Variants in FHIP1A observed in about 807,000 individuals in gnomAD.
The protein encoded by FHIP1A is FHF complex subunit HOOK interacting protein 1A.
In FHIP1A, 61 loss-of-function variants were observed where a neutral mutation model predicts 88.6. The observed-to-expected ratio is 0.69, with a 90% confidence interval of 0.56 to 0.85. The LOEUF is 0.85. Among genes scored for constraint, FHIP1A ranks in the 40% least tolerant of loss-of-function variants. The pLI is 0.00. For missense variants in FHIP1A, 1,154 were observed against 1,273.5 expected (o/e 0.91, Z 1.43); for synonymous variants, 478 against 496.0 (o/e 0.96, Z 0.48).
intron 3 of FHIP1A, among the ~76,000 whole-genome samples, chr4:151,489,287 G>A (rs1257740038): frequency 6.6e-6 from 1 of 152,204 alleles, no homozygotes; most frequent in African/African-American, 2.4e-5. Flanking sequence ...AGGCACTCCA[G>A]GTCCCCAGCT....
chr4:151,546,452 C>T (rs1578735828), intron 3 of FHIP1A, among the ~76,000 whole-genome samples: 1 of 152,344 alleles, frequency 6.6e-6, no homozygotes, highest in African/African-American at 2.4e-5. Context: ...CTGGTAAATA[C>T]TCTCTCGTCT....
At chr4:151,470,580 A>G (rs1048574655) in intron 2 of FHIP1A, among the ~76,000 whole-genome samples, 2 of 152,166 alleles carry the variant, frequency 1.3e-5, no homozygotes, top group Non-Finnish European at 2.9e-5. Context: ...ACTCTGAACA[A>G]ATGACTTCAT....
chr4:151,471,169 A>C lies in FHIP1A; in HGVS notation c.-247-11355A>C, dbSNP rs150418940. ...CTCCAACCTGTGTGGTGGTCTTTAC[A>C]TTTCTTGGAAACATAATAGATTCAA... On this transcript the variant is annotated intron_variant, in intron 2 of 13. Transcript: ENST00000435205. Among the ~76,000 whole-genome samples the C allele has an allele frequency of 2.6e-3, 388 of 152,114 alleles. 2 individuals are homozygous for C. The highest frequency in any genetic ancestry group is 4.1e-3 in the Non-Finnish European group (276 of 67,978).
At chr4:151,531,184 T>C (rs1252242256) in intron 3 of FHIP1A, among the ~76,000 whole-genome samples, 1 of 151,916 alleles carries the variant, frequency 6.6e-6, no homozygotes, top group Admixed American at 6.6e-5. Context: ...CCCTTTCAAA[T>C]AGGGTGAAGT....
At chr4:151,465,086 T>G (rs2126606266) in intron 2 of FHIP1A, among the ~76,000 whole-genome samples, 2 of 152,222 alleles carry the variant, frequency 1.3e-5, no homozygotes, top group East Asian at 3.9e-4. Flanking sequence ...TGCACACCTG[T>G]AGTCTCAGCT....
intron 1 of FHIP1A, among the ~76,000 whole-genome samples, chr4:151,442,656 C>A (rs1275413609): frequency 6.6e-6 from 1 of 152,110 alleles, no homozygotes; most frequent in African/African-American, 2.4e-5. Flanking sequence ...GGAGTCATTC[C>A]TGCTGGATGA....
chr4:151,498,791 G>A (rs1413211191), intron 3 of FHIP1A, among the ~76,000 whole-genome samples: 1 of 152,176 alleles, frequency 6.6e-6, no homozygotes, highest in Non-Finnish European at 1.5e-5. Context: ...CCTCCAGCCT[G>A]GGCGACAGAG....
chr4:151,464,870 T>C (rs1729255866), intron 2 of FHIP1A, among the ~76,000 whole-genome samples: 1 of 150,574 alleles, frequency 6.6e-6, no homozygotes, highest in Admixed American at 6.6e-5. Context: ...CAAAGTGTGG[T>C]CCCCTGACTA....
chr4:151,526,172 C>T (rs1035984190), intron 3 of FHIP1A, among the ~76,000 whole-genome samples: 6 of 152,220 alleles, frequency 3.9e-5, no homozygotes, highest in Admixed American at 6.5e-5. Context: ...CACACAGACA[C>T]GGCAACCATC....
intron 2 of FHIP1A, among the ~76,000 whole-genome samples, chr4:151,473,314 CT>C (rs936575108): frequency 1.3e-5 from 2 of 151,918 alleles, no homozygotes; most frequent in African/African-American, 2.4e-5. Context: ...CAATGCTTAT[CT>C]TTTTTTTAAA....
intron 10 of FHIP1A, among the ~76,000 whole-genome samples, chr4:151,648,165 ATCTTGGTTCTATG>A (rs1465195619): frequency 2.0e-5 from 3 of 152,194 alleles, no homozygotes; most frequent in Admixed American, 6.5e-5. Flanking sequence ...TAGGTTCTGC[ATCTTGGTTCTATG>A]TCTTGGTTCT....
intron 1 of FHIP1A, among the ~76,000 whole-genome samples, chr4:151,433,525 G>T (rs1266186600): frequency 6.6e-6 from 1 of 152,022 alleles, no homozygotes; most frequent in Non-Finnish European, 1.5e-5. Context: ...GAAACTTGCG[G>T]AGTTAATGGC....
chr4:151,534,448 T>C lies in FHIP1A; in HGVS notation c.-122-31690T>C, dbSNP rs575698830. Among the ~76,000 whole-genome samples, 24 of 152,306 alleles carry C rather than the reference T, an allele frequency of 1.6e-4. No individual in the cohort carries two copies. In the East Asian group the frequency reaches 4.2e-3, roughly 27 times the overall value. ...TCTGTCCTTAGCTTGGGAGTTCTTG[T>C]TGGGGAGGCTGATCTCTGTAAGCTG... On this transcript the variant is annotated intron_variant, in intron 3 of 13. Coordinates refer to ENST00000435205, the MANE Select transcript of FHIP1A (RefSeq NM_001109977.3).
intron 7 of FHIP1A, among the ~76,000 whole-genome samples, chr4:151,589,459 T>C (rs966044239): frequency 6.6e-6 from 1 of 152,234 alleles, no homozygotes; most frequent in Non-Finnish European, 1.5e-5. Flanking sequence ...GACTCTCTCA[T>C]TTTGTATAAT....
intron 7 of FHIP1A, among the ~76,000 whole-genome samples, chr4:151,600,989 TA>T (rs1734846927): frequency 6.6e-6 from 1 of 152,186 alleles, no homozygotes; most frequent in African/African-American, 2.4e-5. Context: ...CTCTTTATAG[TA>T]GCAGTATTAA....
intron 1 of FHIP1A, among the ~76,000 whole-genome samples, chr4:151,426,900 C>G (rs1270787455): frequency 6.6e-6 from 1 of 152,192 alleles, no homozygotes; most frequent in Non-Finnish European, 1.5e-5. Context: ...TTCCCCTCCT[C>G]ACTCCTGTGC....
intron 5 of FHIP1A, among the ~76,000 whole-genome samples, chr4:151,579,834 A>G (rs1733954635): frequency 6.6e-6 from 1 of 152,204 alleles, no homozygotes; most frequent in Admixed American, 6.5e-5. Context: ...AAACACTAAG[A>G]TGAACACTGC....
At chr4:151,542,377 C>T (rs1271781648) in intron 3 of FHIP1A, among the ~76,000 whole-genome samples, 1 of 151,956 alleles carries the variant, frequency 6.6e-6, no homozygotes, top group Non-Finnish European at 1.5e-5. Context: ...TTTTTTTATT[C>T]CCAGTATTAA....
At chr4:151,555,634 A>G (rs936323174) in intron 3 of FHIP1A, among the ~76,000 whole-genome samples, 4 of 152,170 alleles carry the variant, frequency 2.6e-5, no homozygotes, top group South Asian at 2.1e-4. Context: ...TTATGAGAAA[A>G]ATAACCTATG....
Sources: allele counts gnomAD v4.1 joint callset (sites outside exome capture counted in the v4.1 genomes callset), GRCh38; gene constraint gnomAD v4.1.1; transcripts MANE v1.5; gene names NCBI Gene and HGNC (gene_info 2026-07-23, HGNC 2026-07-21).